PRH1: variants seen among roughly 807,000 people sequenced by gnomAD.
PRH1 encodes salivary acidic proline-rich phosphoprotein 1/2.
In PRH1, 7 loss-of-function variants were observed where a neutral mutation model predicts 7.9. That is an observed-to-expected ratio of 0.89 (90% confidence interval 0.50 to 1.67). The LOEUF (loss-of-function observed/expected upper bound fraction) is 1.67, where lower values mean the gene tolerates loss of function less well. PRH1 is among the 40% of genes most tolerant of loss of function. The pLI is 0.00. For missense variants in PRH1, 109 were observed against 223.6 expected, an observed-to-expected ratio of 0.49 and a Z score of 3.27; for synonymous variants, 45 against 80.8, an observed-to-expected ratio of 0.56 and a Z score of 2.38.
At chr12:10,911,538 G>A (rs1262909228) in intron 2 of PRH1, among the ~76,000 whole-genome samples, 1 of 152,142 alleles carries the variant, frequency 6.6e-6, no homozygotes, top group East Asian at 1.9e-4. Flanking sequence ...ACAATGAAAG[G>A]TTTGAGTATG....
At chr12:10,904,459 A>G (rs1365150959) in intron 2 of PRH1, among the ~76,000 whole-genome samples, 1 of 152,242 alleles carries the variant, frequency 6.6e-6, no homozygotes, top group Non-Finnish European at 1.5e-5. Context: ...TGGTGCTGGG[A>G]TATCTGGCTA....
At chr12:10,886,280 G>A (rs1444895468), upstream of PRH1, among the ~76,000 whole-genome samples, 1 of 152,164 alleles carries the variant, frequency 6.6e-6, no homozygotes, top group Non-Finnish European at 1.5e-5. Flanking sequence ...CAGAGAAAAG[G>A]AACAAAGAGG....
intron 1 of PRH1, among the ~76,000 whole-genome samples, chr12:11,042,623 CTTTTTTTTTTTTTTTTTTTT>C (rs71051557): frequency 1.3e-5 from 1 of 79,320 alleles, no homozygotes; most frequent in Admixed American, 1.6e-4. Flanking sequence ...CAGGCTCATT[CTTTTTTTTTTTTTTTTTTTT>C]TTTTGAGGCA....
intron 2 of PRH1, among the ~76,000 whole-genome samples, chr12:10,952,903 T>C (rs1019143486): frequency 6.6e-6 from 1 of 152,106 alleles, no homozygotes; most frequent in Non-Finnish European, 1.5e-5. Context: ...GCTGGTACCA[T>C]CCTTCAGAGT....
At chr12:11,040,375 A>T (rs1942657546) in intron 1 of PRH1, among the ~76,000 whole-genome samples, 1 of 152,242 alleles carries the variant, frequency 6.6e-6, no homozygotes, top group South Asian at 2.1e-4. Flanking sequence ...TCTGTGCCTC[A>T]GTATAATCAT....
At chr12:10,986,448 A>T in intron 1 of PRH1, 6 of 1,614,064 alleles carry the variant, frequency 3.7e-6, no homozygotes, top group Non-Finnish European at 5.1e-6. Context: ...AACCAAAAAT[A>T]TCAAAGTCCC....
downstream of PRH1, among the ~76,000 whole-genome samples, chr12:11,117,247 A>G (rs1197616302): frequency 2.0e-5 from 3 of 152,180 alleles, no homozygotes; most frequent in Non-Finnish European, 2.9e-5. Context: ...ATAAAAAATT[A>G]GTAGTATTTC....
intron 1 of PRH1, chr12:11,134,790 C>T (rs1043782997): frequency 2.6e-5 from 4 of 154,280 alleles, no homozygotes; most frequent in African/African-American, 9.7e-5. Context: ...ATCCAAACTG[C>T]TTTTATCAAA....
intron 1 of PRH1, among the ~76,000 whole-genome samples, chr12:11,033,598 G>A (rs866615986): frequency 2.8e-4 from 43 of 152,230 alleles, no homozygotes; most frequent in Middle Eastern, 3.4e-3. Flanking sequence ...GTCCTGTGAG[G>A]TCGATAATTA....
upstream of PRH1, chr12:11,171,603 G>T (rs1342858770): frequency 1.6e-6 from 2 of 1,214,620 alleles, no homozygotes; most frequent in Non-Finnish European, 2.1e-6. Flanking sequence ...CCAGCATGAT[G>T]GCCGACTCCC....
At chr12:10,925,525 T>A (rs766657325) in intron 2 of PRH1, among the ~76,000 whole-genome samples, 8 of 152,120 alleles carry the variant, frequency 5.3e-5, no homozygotes, top group Non-Finnish European at 8.8e-5. Flanking sequence ...AGAAAGCACA[T>A]AAAGGATCTA....
At chr12:11,162,708 G>A (rs770210479) in intron 1 of PRH1, among the ~76,000 whole-genome samples, 3 of 152,210 alleles carry the variant, frequency 2.0e-5, no homozygotes, top group East Asian at 1.9e-4. Flanking sequence ...AGTTGGGTGT[G>A]ACCCAGTGTC....
chr12:10,889,449 C>T (rs994989308), intron 2 of PRH1, among the ~76,000 whole-genome samples: 9 of 151,986 alleles, frequency 5.9e-5, no homozygotes, highest in Non-Finnish European at 1.3e-4. Context: ...AATATTTTGT[C>T]TTTAATTTTC....
chr12:11,019,407 C>A (rs1941474092), intron 1 of PRH1, among the ~76,000 whole-genome samples: 1 of 152,288 alleles, frequency 6.6e-6, no homozygotes, highest in African/African-American at 2.4e-5. Context: ...ACTTGCCTTC[C>A]CAAATAAATG....
chr12:10,986,863 C>A, intron 1 of PRH1: 1 of 1,504,016 alleles, frequency 6.6e-7, no homozygotes, highest in Non-Finnish European at 8.9e-7. Context: ...GTTATCATAT[C>A]TGAGCAGAAA....
intron 1 of PRH1, among the ~76,000 whole-genome samples, chr12:11,065,658 A>G (rs1371351132): frequency 1.7e-5 from 2 of 119,608 alleles, no homozygotes; most frequent in African/African-American, 5.6e-5. Context: ...CTTGCTATAA[A>G]TCATTTTTTA....
chr12:10,942,492 G>C (rs1950418386), intron 2 of PRH1, among the ~76,000 whole-genome samples: 1 of 152,076 alleles, frequency 6.6e-6, no homozygotes. Context: ...GGAAGTGAGA[G>C]AACGCTGGCA....
In PRH1 at chr12:11,059,985, A is replaced by C. The variant is rs1483194271; in HGVS notation, n.124-12797T>G. ...CATCTTGCTCTCTGATCTTACATTC[A>C]ACAGAAAGCAAGACAGAGATGAGAT... On this transcript the variant is annotated intron_variant and non_coding_transcript_variant, in intron 1 of 4. Transcript: ENST00000541977. Among the ~76,000 whole-genome samples, 4 of 151,914 alleles carry C rather than the reference A, an allele frequency of 2.6e-5. No individual in the cohort carries two copies. The South Asian group carries it at 6.2e-4, about 24-fold the overall frequency.
rs145399674 is a variant in PRH1 at position 11,013,172 on chromosome 12, T to C, written c.-126+33848A>G. On this transcript the variant is annotated intron_variant, in intron 1 of 3. Transcript: ENST00000539853. Reference sequence around the variant, plus strand: ...AAATAAATCTTGATAAAATAACACATTTGGAGGATTACACTTTCTGGTTTC... The same window carrying C: ...AAATAAATCTTGATAAAATAACACACTTGGAGGATTACACTTTCTGGTTTC... Among the ~76,000 whole-genome samples the C allele has an allele frequency of 2.0e-5, 3 of 152,168 alleles. No homozygotes were observed. The East Asian group carries it at 5.8e-4, about 29-fold the overall frequency.
Sources: allele counts gnomAD v4.1 joint callset (sites outside exome capture counted in the v4.1 genomes callset), GRCh38; gene constraint gnomAD v4.1.1; transcripts MANE v1.5; gene names NCBI Gene and HGNC (gene_info 2026-07-23, HGNC 2026-07-21).